Variants in HS3ST4 observed in about 807,000 individuals in gnomAD.
HS3ST4 encodes the protein heparan sulfate-glucosamine 3-sulfotransferase 4.
In HS3ST4, 17 loss-of-function variants were observed where a neutral mutation model predicts 29.2. That is an observed-to-expected ratio of 0.58 (90% CI 0.40 to 0.87). HS3ST4 has a LOEUF of 0.87. Among genes scored for constraint, HS3ST4 ranks in the 40% least tolerant of loss-of-function variants. The pLI is 0.00. For missense variants in HS3ST4, 627 were observed against 634.5 expected (o/e 0.99, Z 0.13); for synonymous variants, 314 against 285.7 (o/e 1.10, Z -1.00).
chr16:26,024,380 C>G, intron 1 of HS3ST4, among the ~76,000 whole-genome samples: 1 of 152,148 alleles, frequency 6.6e-6, no homozygotes, highest in East Asian at 1.9e-4. Flanking sequence ...CCCTTTAGAA[C>G]TGTGGCATAA....
chr16:25,952,965 C>G (rs965062639), intron 1 of HS3ST4, among the ~76,000 whole-genome samples: 3 of 152,188 alleles, frequency 2.0e-5, no homozygotes, highest in African/African-American at 4.8e-5. Flanking sequence ...CATGTGCCAT[C>G]CTACATCTTT....
chr16:25,765,211 T>C (rs369423432), intron 1 of HS3ST4, among the ~76,000 whole-genome samples: 2 of 152,232 alleles, frequency 1.3e-5, no homozygotes, highest in African/African-American at 4.8e-5. Context: ...AGACTCTTTT[T>C]TTTGAATGTG....
chr16:25,863,064 G>C (rs910264988), intron 1 of HS3ST4, among the ~76,000 whole-genome samples: 2 of 152,096 alleles, frequency 1.3e-5, no homozygotes, highest in Admixed American at 6.5e-5. Context: ...TCTTCTTTCG[G>C]TTGTATGATC....
At chr16:26,036,269 A>G (rs961771521) in intron 1 of HS3ST4, among the ~76,000 whole-genome samples, 19 of 152,202 alleles carry the variant, frequency 1.2e-4, no homozygotes, top group African/African-American at 3.6e-4. Flanking sequence ...AAGCATGTCT[A>G]TTCATGGATT....
chr16:25,758,921 C>T (rs368625675), intron 1 of HS3ST4, among the ~76,000 whole-genome samples: 1 of 151,480 alleles, frequency 6.6e-6, no homozygotes, highest in African/African-American at 2.4e-5. Context: ...ACACCACTGC[C>T]TTGCAGCCTG....
chr16:25,741,642 T>C (rs1240068737), intron 1 of HS3ST4, among the ~76,000 whole-genome samples: 1 of 152,216 alleles, frequency 6.6e-6, no homozygotes, highest in Non-Finnish European at 1.5e-5. Flanking sequence ...GTTTCTGTTG[T>C]TAACATACCC....
intron 1 of HS3ST4, among the ~76,000 whole-genome samples, chr16:25,958,115 C>CTGTTCT: frequency 6.6e-6 from 1 of 152,166 alleles, no homozygotes; most frequent in Non-Finnish European, 1.5e-5. Flanking sequence ...GGGTACTCCA[C>CTGTTCT]AGGGACTAAG....
chr16:26,043,383 T>G (rs1003332639), intron 1 of HS3ST4, among the ~76,000 whole-genome samples: 2 of 152,230 alleles, frequency 1.3e-5, no homozygotes, highest in African/African-American at 4.8e-5. Context: ...GTAGAGTTAT[T>G]TGAAGATGGT....
chr16:26,118,814 C>A (rs985858145), intron 1 of HS3ST4, among the ~76,000 whole-genome samples: 5 of 152,064 alleles, frequency 3.3e-5, no homozygotes, highest in Non-Finnish European at 7.4e-5. Context: ...GTTGCTGGGA[C>A]TTTGTTGAAA....
At chr16:25,913,933 ATG>A (rs937337921) in intron 1 of HS3ST4, among the ~76,000 whole-genome samples, 1 of 149,528 alleles carries the variant, frequency 6.7e-6, no homozygotes, top group Admixed American at 6.6e-5. Flanking sequence ...GGGAGAGGCT[ATG>A]TGTGTGTGTG....
At chr16:25,798,869 C>T (rs74012501) in intron 1 of HS3ST4, among the ~76,000 whole-genome samples, 3,154 of 152,252 alleles carry the variant, frequency 0.021, 118 homozygotes, top group African/African-American at 0.071. Flanking sequence ...CAGACATGCC[C>T]GTCTGCCTGT....
rs192888088 is a variant in HS3ST4, at chr16:25,698,150, C to T, written c.734+4999C>T. On this transcript the variant is annotated intron_variant, in intron 1 of 1. Coordinates refer to ENST00000331351, the MANE Select transcript of HS3ST4 (RefSeq NM_006040.3). ...CTCACTTTGTTGCCCAGGCTGGTCT[C>T]AAACTCCTGGCCTCAAGGAATCCGC... 1.3e-3 allele frequency among the ~76,000 whole-genome samples: 191 copies of T among 152,250 alleles called. 2 individuals carry two copies. Among genetic ancestry groups the T allele is most frequent in the Non-Finnish European group, 2.1e-3 (144 of 68,022 alleles).
At chr16:26,107,963 C>T (rs1289896048) in intron 1 of HS3ST4, among the ~76,000 whole-genome samples, 2 of 152,162 alleles carry the variant, frequency 1.3e-5, no homozygotes, top group South Asian at 2.1e-4. Context: ...TTTGAGAAAT[C>T]TCCGCACTGT....
chr16:25,900,897 A>G (rs1968114635), intron 1 of HS3ST4, among the ~76,000 whole-genome samples: 2 of 152,190 alleles, frequency 1.3e-5, no homozygotes, highest in African/African-American at 2.4e-5. Context: ...ACATGATTAC[A>G]TTACTCTAGA....
chr16:25,841,660 A>G (rs1000937582), intron 1 of HS3ST4, among the ~76,000 whole-genome samples: 2 of 152,202 alleles, frequency 1.3e-5, no homozygotes, highest in Admixed American at 6.5e-5. Flanking sequence ...ATTCAAAACC[A>G]GAGACAATCT....
chr16:26,042,847 G>A (rs1228907487), intron 1 of HS3ST4, among the ~76,000 whole-genome samples: 1 of 152,070 alleles, frequency 6.6e-6, no homozygotes, highest in Non-Finnish European at 1.5e-5. Context: ...ATGCACAATT[G>A]AGTCAAATCA....
chr16:26,022,906 G>A (rs887627569), intron 1 of HS3ST4, among the ~76,000 whole-genome samples: 4 of 152,102 alleles, frequency 2.6e-5, no homozygotes, highest in African/African-American at 9.7e-5. Flanking sequence ...GCTGGGTGTG[G>A]TGGCGCATGC....
intron 1 of HS3ST4, among the ~76,000 whole-genome samples, chr16:25,841,848 C>T (rs1337980342): frequency 6.6e-6 from 1 of 152,152 alleles, no homozygotes; most frequent in Non-Finnish European, 1.5e-5. Flanking sequence ...TGGTCTTAAA[C>T]CCAGAGCTGT....
chr16:26,020,677 G>A (rs1969404723), intron 1 of HS3ST4, among the ~76,000 whole-genome samples: 1 of 152,172 alleles, frequency 6.6e-6, no homozygotes, highest in African/African-American at 2.4e-5. Context: ...TCAAGGTGTG[G>A]TTCATGAACC....
Sources: gnomAD v4.1 joint callset for allele counts (sites outside exome capture counted in the v4.1 genomes callset) on GRCh38, gnomAD v4.1.1 for gene constraint, MANE v1.5 for transcripts, NCBI Gene and HGNC (gene_info 2026-07-23, HGNC 2026-07-21) for gene names.